CD200R1L: variants seen among roughly 807,000 people sequenced by gnomAD.
The protein encoded by CD200R1L is CD200 receptor 1 like.
In CD200R1L, 14 loss-of-function variants were observed where a neutral mutation model predicts 24.8. That is an observed-to-expected ratio of 0.56 (90% confidence interval 0.37 to 0.88). The LOEUF (loss-of-function observed/expected upper bound fraction) is 0.88. Among genes scored for constraint, CD200R1L ranks in the 40% least tolerant of loss-of-function variants. The probability of loss-of-function intolerance (pLI) is 0.00; values close to 1 mark genes in which losing one functional copy is unlikely to be tolerated. For synonymous variants in CD200R1L, 111 were observed against 109.2 expected, an observed-to-expected ratio of 1.02 and a Z score of -0.11; for missense variants, 299 against 297.8, an observed-to-expected ratio of 1.00 and a Z score of -0.03.
chr3:112,820,087 T>G (rs1390411510), intron 6 of CD200R1L, among the ~76,000 whole-genome samples, 192 bp from the exon 7 acceptor site: 2 of 152,232 alleles, frequency 1.3e-5, no homozygotes, highest in East Asian at 3.8e-4. Context: ...GGAACCATGT[T>G]TGTGTTTTGT....
chr3:112,827,230 C>G lies in CD200R1L; in HGVS notation c.379G>C (p.Val127Leu). 6.2e-7 allele frequency: 1 copy of G among 1,611,212 alleles called. No homozygotes were observed. The highest frequency in any genetic ancestry group is 8.5e-7 in the Non-Finnish European group (1 of 1,178,666). The stretch of plus-strand genomic sequence containing the variant: ...ATATTCCTGCTTTGAAATAGGTTCA[C>G]TTCGGGTGTAACTGCAGAGAGGAAA... ...YHLQVLVTPEVNLFQSRNITA... is the reference protein window; with the variant it reads ...YHLQVLVTPELNLFQSRNITA... Residue 127 changes from valine to leucine, a missense_variant, in exon 6 of 8, where the codon GTG (valine) becomes CTG (leucine). Coordinates refer to ENST00000488794, the MANE Select transcript of CD200R1L (RefSeq NM_001199215.3).
Position 112,815,842 on chromosome 3 carries a change from G to A in CD200R1L, c.*121C>T, listed in dbSNP as rs971986391. 2.8e-6 allele frequency: 2 copies of A among 708,366 alleles called. No homozygotes were observed. Among genetic ancestry groups the A allele is most frequent in the Middle Eastern group, 2.4e-4 (1 of 4,130 alleles). The allele number at this position is 708,366 out of a possible 1,614,324, so 43.9% of individuals were successfully genotyped here. On this transcript the variant is annotated 3_prime_UTR_variant, in exon 8 of 8. Transcript: ENST00000488794. ...CATCTTTCTTTTCTTCTATCCTACT[G>A]AGTGGCTTCTATCCTTAACATCATC...
intron 3 of CD200R1L, among the ~76,000 whole-genome samples, chr3:112,835,323 C>T (rs1938912273): frequency 6.6e-6 from 1 of 152,130 alleles, no homozygotes; most frequent in Admixed American, 6.5e-5. Flanking sequence ...TCTCTGCAGG[C>T]AGGTCATCCC....
At chr3:112,831,703 C>T (rs1220796372) in intron 3 of CD200R1L, among the ~76,000 whole-genome samples, 1 of 152,174 alleles carries the variant, frequency 6.6e-6, no homozygotes, top group Non-Finnish European at 1.5e-5. Flanking sequence ...CCAGGAAATA[C>T]CAGAAGCTGG....
intron 6 of CD200R1L, among the ~76,000 whole-genome samples, chr3:112,822,866 T>A (rs1044417899): frequency 1.3e-5 from 2 of 152,172 alleles, no homozygotes; most frequent in African/African-American, 4.8e-5. Context: ...GCCTACATTG[T>A]TTTGTAAACT....
intron 2 of CD200R1L, 124 bp downstream of exon 2, chr3:112,845,555 A>C (rs913504072): frequency 1.3e-6 from 1 of 756,696 alleles, no homozygotes; most frequent in Non-Finnish European, 2.2e-6. Context: ...GATAATGTAC[A>C]CATTTATCAC....
intron 3 of CD200R1L, among the ~76,000 whole-genome samples, chr3:112,834,586 T>C (rs1042131578): frequency 3.9e-5 from 6 of 152,198 alleles, no homozygotes; most frequent in Non-Finnish European, 8.8e-5. Flanking sequence ...ATCTTTGGGA[T>C]GTCACTTTGC....
At chr3:112,840,632 C>T (rs1382277420) in intron 2 of CD200R1L, among the ~76,000 whole-genome samples, 1 of 152,022 alleles carries the variant, frequency 6.6e-6, no homozygotes, top group Admixed American at 6.6e-5. Flanking sequence ...GTTTAGTGAC[C>T]TTAAACATGG....
intron 2 of CD200R1L, 33 bp from the exon 3 acceptor site, chr3:112,838,043 A>G (rs768906744): frequency 3.9e-6 from 4 of 1,033,164 alleles, no homozygotes; most frequent in South Asian, 1.5e-5. Flanking sequence ...ATATGGAGAA[A>G]ATTAAGAACT....
intron 2 of CD200R1L, among the ~76,000 whole-genome samples, chr3:112,842,004 G>A (rs1939093733): frequency 6.6e-6 from 1 of 152,194 alleles, no homozygotes; most frequent in South Asian, 2.1e-4. Flanking sequence ...ATCAAGTAAG[G>A]GTTTAGCCTG....
chr3:112,822,156 G>T (rs1938551569), intron 6 of CD200R1L, among the ~76,000 whole-genome samples: 1 of 152,218 alleles, frequency 6.6e-6, no homozygotes, highest in African/African-American at 2.4e-5. Context: ...GTAAGTGGTT[G>T]TAATATGATA....
chr3:112,841,128 G>A (rs1458852372), intron 2 of CD200R1L: 1 of 223,550 alleles, frequency 4.5e-6, no homozygotes, highest in East Asian at 1.5e-4. Context: ...GTGGGGCCTG[G>A]TCGGGGGTGA....
rs1939192287 is a variant in CD200R1L, at chr3:112,845,920, A to G, written c.-328T>C. ...TCATTCTATATGTTTTTGACTGATT[A>G]ACCACTGATGGGAAATGTCAGTGAG... On this transcript the variant is annotated 5_prime_UTR_variant, in exon 2 of 8. Transcript: ENST00000488794. 1.8e-6 allele frequency: 1 copy of G among 542,778 alleles called. No homozygotes were observed. The highest frequency in any genetic ancestry group is 1.9e-5 in the African/African-American group (1 of 52,008). 33.6% of individuals were successfully genotyped at this position (542,778 alleles called of 1,614,324 possible).
intron 6 of CD200R1L, among the ~76,000 whole-genome samples, chr3:112,820,469 C>T (rs182057643): frequency 6.6e-6 from 1 of 152,120 alleles, no homozygotes; most frequent in East Asian, 1.9e-4. Context: ...CTTGCATTGT[C>T]TCTCAGGCTC....
At chr3:112,824,062 G>A (rs984537619) in intron 6 of CD200R1L, among the ~76,000 whole-genome samples, 3 of 152,144 alleles carry the variant, frequency 2.0e-5, no homozygotes, top group African/African-American at 7.2e-5. Context: ...GTTAAGCTGG[G>A]TCCAGGAAGA....
chr3:112,825,322 A>C (rs1938633503), intron 6 of CD200R1L, among the ~76,000 whole-genome samples: 1 of 151,050 alleles, frequency 6.6e-6, no homozygotes, highest in Admixed American at 6.6e-5. Flanking sequence ...ACTTTTGAAG[A>C]GCCCAAAGAG....
intron 6 of CD200R1L, among the ~76,000 whole-genome samples, chr3:112,822,453 T>G (rs1438800371): frequency 6.6e-6 from 1 of 152,034 alleles, no homozygotes; most frequent in Non-Finnish European, 1.5e-5. Flanking sequence ...GCCCAACAAT[T>G]TAATCAATCA....
intron 6 of CD200R1L, among the ~76,000 whole-genome samples, chr3:112,821,740 C>T (rs9856398): frequency 0.023 from 3,534 of 152,242 alleles, 150 homozygotes; most frequent in African/African-American, 0.08. Flanking sequence ...TTAATTGAGA[C>T]CTGTCTCCAA....
Position 112,819,818 on chromosome 3 carries a change from G to T in CD200R1L, c.694C>A (p.Leu232Met), listed in dbSNP as rs754743078. The change falls in exon 7 of 8, where the codon CTG (leucine) becomes ATG (methionine). Residue 232 changes from leucine (L) to methionine (M), a missense_variant. Transcript: ENST00000488794. ...AAGAAAACAAATCCTGTGGTGACCA[G>T]AATGACCACAAAAAGAGAGAGTTTC... is the stretch of plus-strand genomic sequence containing the variant. ...YVKLSLFVVI[L>M]VTTGFVFFQR... The T allele has an allele frequency of 6.2e-6, 10 of 1,611,092 alleles. No individual in the cohort carries two copies. The highest frequency in any genetic ancestry group is 8.5e-6 in the Non-Finnish European group (10 of 1,178,910).
Sources: gnomAD v4.1 joint callset for allele counts (sites outside exome capture counted in the v4.1 genomes callset) on GRCh38, gnomAD v4.1.1 for gene constraint, MANE v1.5 for transcripts, NCBI Gene and HGNC (gene_info 2026-07-23, HGNC 2026-07-21) for gene names.